ANKS1B: variants seen among roughly 807,000 people sequenced by gnomAD.
The protein encoded by ANKS1B is ankyrin repeat and sterile alpha motif domain-containing protein 1B.
A neutral mutation model predicts 148.3 loss-of-function variants in ANKS1B; 36 were observed. The ratio of observed to expected loss-of-function variants is 0.24; its 90% CI spans 0.19 to 0.32. The LOEUF (loss-of-function observed/expected upper bound fraction) is 0.32, where lower values mean the gene tolerates loss of function less well. Ranked by LOEUF, ANKS1B falls within the 10% of genes least tolerant of loss-of-function variation. ANKS1B has a pLI of 1.00. For missense variants in ANKS1B, 1,157 were observed against 1,542.6 expected, an observed-to-expected ratio of 0.75 and a Z score of 4.19; for synonymous variants, 542 against 560.8, an observed-to-expected ratio of 0.97 and a Z score of 0.47.
At chr12:99,345,526 C>A (rs1448861602) in intron 12 of ANKS1B, among the ~76,000 whole-genome samples, 3 of 151,908 alleles carry the variant, frequency 2.0e-5, no homozygotes, top group African/African-American at 7.2e-5. Context: ...CAGAAAGAAT[C>A]ATGGAACTTT....
At chr12:99,452,930 G>C (rs1283752233) in intron 10 of ANKS1B, among the ~76,000 whole-genome samples, 2 of 152,180 alleles carry the variant, frequency 1.3e-5, no homozygotes, top group African/African-American at 2.4e-5. Flanking sequence ...CCACCTCATG[G>C]TATTCACACT....
In ANKS1B at chr12:99,812,249, T is replaced by C. The variant is rs1311702107; in HGVS notation, c.278A>G (p.Tyr93Cys). Reference sequence around the variant, plus strand: ...CCAGGCAGCCAGGTGAATAGGAAAATACCCTTTGTTGTCTGCTACATTTGT... The same window carrying C: ...CCAGGCAGCCAGGTGAATAGGAAAACACCCTTTGTTGTCTGCTACATTTGT... ...ASTNVADNKG[Y>C]FPIHLAAWKG... is the part of the protein sequence containing the mutation. Residue 93 changes from tyrosine (Y) to cysteine (C), a missense_variant, in exon 3 of 27, where the codon TAT (tyrosine) becomes TGT (cysteine). This residue lies in a region of ANKS1B where 164 missense variants were observed against 232.6 expected (regional missense o/e 0.71). Coordinates refer to ENST00000683438, the MANE Select transcript of ANKS1B (RefSeq NM_001352186.2). 1 of 1,611,768 alleles carries C rather than the reference T, an allele frequency of 6.2e-7. No homozygotes were observed. Among genetic ancestry groups the C allele is most frequent in the Non-Finnish European group, 8.5e-7 (1 of 1,178,590 alleles).
intron 4 of ANKS1B, among the ~76,000 whole-genome samples, chr12:99,791,564 TG>T (rs2065657150): frequency 6.6e-6 from 1 of 152,016 alleles, no homozygotes; most frequent in African/African-American, 2.4e-5. Flanking sequence ...GCATCATCCC[TG>T]ACCACAATGG....
In ANKS1B at chr12:99,984,341, A is replaced by G; in HGVS notation, c.-104T>C. 1 of 1,037,192 alleles carries G rather than the reference A, an allele frequency of 9.6e-7. No homozygotes were observed. The highest frequency in any genetic ancestry group is 1.3e-6 in the Non-Finnish European group (1 of 742,844). 64.2% of individuals were successfully genotyped at this position (1,037,192 alleles called of 1,614,324 possible). On this transcript the variant is annotated 5_prime_UTR_variant, in exon 1 of 27. Transcript: ENST00000683438. ...AGGGCCCTCTTCGCCCCACCCTAAA[A>G]TAATGCAAGAGCTTCAGCACGGAGA...
chr12:99,242,291 C>T (rs1050471800), intron 14 of ANKS1B, among the ~76,000 whole-genome samples: 2 of 152,160 alleles, frequency 1.3e-5, no homozygotes, highest in Admixed American at 6.5e-5. Context: ...CTCCCATTCA[C>T]AATTACTACA....
chr12:99,467,189 C>G (rs2096135644), intron 10 of ANKS1B, among the ~76,000 whole-genome samples: 1 of 152,058 alleles, frequency 6.6e-6, no homozygotes, highest in South Asian at 2.1e-4. Context: ...AGACAAAAAC[C>G]AGGTGATTAT....
At chr12:99,584,448 A>T (rs1328748884) in intron 9 of ANKS1B, among the ~76,000 whole-genome samples, 1 of 151,954 alleles carries the variant, frequency 6.6e-6, no homozygotes, top group Non-Finnish European at 1.5e-5. Flanking sequence ...AAAAATACAA[A>T]AATTAGTGGG....
intron 9 of ANKS1B, among the ~76,000 whole-genome samples, chr12:99,600,775 G>A (rs964229020): frequency 3.9e-5 from 6 of 151,950 alleles, no homozygotes; most frequent in African/African-American, 7.2e-5. Context: ...GAAAATAGAA[G>A]GAATTCTACC....
At position 99,756,764 on chromosome 12, in the gene ANKS1B, A is replaced by G. The variant is rs567374140; in HGVS notation, c.1128+16158T>C. On this transcript the variant is annotated intron_variant, in intron 8 of 26. Transcript: ENST00000683438. Reference sequence around the variant, plus strand: ...ATGGAACAGTATAGAGAATTCAGAAATAAGACCACACACCAGAAATAAGAC... The same window carrying G: ...ATGGAACAGTATAGAGAATTCAGAAGTAAGACCACACACCAGAAATAAGAC... 2.6e-5 allele frequency among the ~76,000 whole-genome samples: 4 copies of G among 152,102 alleles called. No homozygotes were observed. In the South Asian group the frequency reaches 8.3e-4, roughly 31 times the overall value.
intron 17 of ANKS1B, among the ~76,000 whole-genome samples, chr12:98,898,213 A>C (rs956523337): frequency 6.6e-6 from 1 of 152,226 alleles, no homozygotes; most frequent in Non-Finnish European, 1.5e-5. Flanking sequence ...AAAAATAAAC[A>C]GCTGTTAATT....
At chr12:99,092,130 G>A (rs1171055854) in intron 15 of ANKS1B, among the ~76,000 whole-genome samples, 1 of 104,190 alleles carries the variant, frequency 9.6e-6, no homozygotes, top group Non-Finnish European at 2.4e-5. Flanking sequence ...GGCTTGGCAG[G>A]GACCTGGGGG....
intron 8 of ANKS1B, among the ~76,000 whole-genome samples, chr12:99,666,888 GT>G (rs1567601378): frequency 6.2e-4 from 91 of 145,832 alleles, no homozygotes; most frequent in African/African-American, 2.1e-3. Context: ...GTGTGTGTGT[GT>G]GTGTGTGGTG....
At chr12:99,081,645 TC>T (rs150192897) in intron 16 of ANKS1B, among the ~76,000 whole-genome samples, 17 of 152,276 alleles carry the variant, frequency 1.1e-4, no homozygotes, top group South Asian at 2.1e-4. Flanking sequence ...TGCATCAGCC[TC>T]TCTATAGAAG....
At chr12:99,545,023 G>C (rs567006338) in intron 9 of ANKS1B, among the ~76,000 whole-genome samples, 2 of 152,100 alleles carry the variant, frequency 1.3e-5, no homozygotes, top group South Asian at 2.1e-4. Context: ...ATCATTGGTC[G>C]AACTTACTGG....
chr12:98,912,547 A>G (rs2099788253), intron 17 of ANKS1B, among the ~76,000 whole-genome samples: 1 of 152,050 alleles, frequency 6.6e-6, no homozygotes, highest in Non-Finnish European at 1.5e-5. Context: ...TGTCTTGTTT[A>G]CCTGTCTGCC....
At chr12:99,526,273 G>A (rs1208545286) in intron 9 of ANKS1B, among the ~76,000 whole-genome samples, 3 of 152,132 alleles carry the variant, frequency 2.0e-5, no homozygotes, top group East Asian at 1.9e-4. Flanking sequence ...ACAGGAGATC[G>A]TTAGAAAGCA....
At chr12:99,096,074 TG>T (rs2056004282) in intron 15 of ANKS1B, among the ~76,000 whole-genome samples, 1 of 152,192 alleles carries the variant, frequency 6.6e-6, no homozygotes, top group Non-Finnish European at 1.5e-5. Context: ...TACATAAACC[TG>T]GTATTCTACA....
intron 1 of ANKS1B, among the ~76,000 whole-genome samples, chr12:99,893,468 T>C (rs985391371): frequency 8.6e-5 from 13 of 151,564 alleles, no homozygotes; most frequent in African/African-American, 3.2e-4. Flanking sequence ...TATGACTATA[T>C]GAGGAAGTAA....
intron 9 of ANKS1B, among the ~76,000 whole-genome samples, chr12:99,525,789 C>A (rs2096920954): frequency 6.6e-6 from 1 of 151,980 alleles, no homozygotes; most frequent in Non-Finnish European, 1.5e-5. Flanking sequence ...GAAGCTACAA[C>A]CAGACACATA....
Sources: allele counts gnomAD v4.1 joint callset (sites outside exome capture counted in the v4.1 genomes callset), GRCh38; gene constraint gnomAD v4.1.1; regional missense constraint gnomAD v4.1.1; transcripts MANE v1.5; gene names NCBI Gene and HGNC (gene_info 2026-07-23, HGNC 2026-07-21).